The following DOCK5 variants were observed in gnomAD, a reference collection of about 807,000 sequenced individuals.
DOCK5 encodes dedicator of cytokinesis protein 5.
DOCK5 carries 142 observed loss-of-function variants against 251.8 expected under a neutral mutation model. The ratio of observed to expected loss-of-function variants is 0.56; its 90% CI spans 0.49 to 0.65. The LOEUF (loss-of-function observed/expected upper bound fraction) is 0.65, where lower values mean the gene tolerates loss of function less well. Among genes scored for constraint, DOCK5 ranks in the 30% least tolerant of loss-of-function variants. The pLI, the probability that DOCK5 is intolerant of heterozygous loss-of-function variation, is 0.00. For synonymous variants in DOCK5, 842 were observed against 835.5 expected (o/e 1.01, Z -0.13); for missense variants, 2,111 against 2,312.3 (o/e 0.91, Z 1.79).
intron 15 of DOCK5, among the ~76,000 whole-genome samples, 172 bp from the exon 16 acceptor site, chr8:25,320,808 A>T (rs189612376): frequency 6.6e-6 from 1 of 152,322 alleles, no homozygotes; most frequent in Non-Finnish European, 1.5e-5. Context: ...ATGATCTGAG[A>T]TTCTTTTGAT....
At chr8:25,361,297 A>G (rs968540621) in intron 28 of DOCK5, among the ~76,000 whole-genome samples, 14 of 152,170 alleles carry the variant, frequency 9.2e-5, no homozygotes, top group African/African-American at 3.4e-4. Flanking sequence ...ATGGCCAATA[A>G]ATTGGTGGAA....
chr8:25,269,598 G>C (rs1803851954), intron 3 of DOCK5, among the ~76,000 whole-genome samples: 1 of 152,182 alleles, frequency 6.6e-6, no homozygotes, highest in South Asian at 2.1e-4. Flanking sequence ...CCTTTTGCCA[G>C]TGCCAAAACT....
rs769284123 is a variant in DOCK5 at position 25,389,196 on chromosome 8, C to T, written c.4237C>T (p.Pro1413Ser). The T allele has an allele frequency of 2.5e-6, 4 of 1,613,990 alleles. No homozygotes were observed. Among genetic ancestry groups the T allele is most frequent in the South Asian group, 2.2e-5 (2 of 91,082 alleles). The change falls in exon 41 of 52, where the codon CCT (proline) becomes TCT (serine). Residue 1413 changes from proline to serine, a missense_variant. By Grantham distance (74) the Pro-to-Ser change is moderately conservative. Transcript: ENST00000276440. Reference sequence around the variant, plus strand: ...TGCGGAGAAGATGACCAGTACCACGCCTCCTGGGGAAGACATCAAGTCGTC... The same window carrying T: ...TGCGGAGAAGATGACCAGTACCACGTCTCCTGGGGAAGACATCAAGTCGTC... ...PNAEKMTSTT[P>S]PGEDIKSSPK...
At chr8:25,267,564 T>G (rs1803789944) in intron 2 of DOCK5, among the ~76,000 whole-genome samples, 2 of 152,218 alleles carry the variant, frequency 1.3e-5, no homozygotes, top group Non-Finnish European at 2.9e-5. Flanking sequence ...TAATTACAGT[T>G]TGCATCTACT....
chr8:25,313,735 G>T (rs961371818), intron 13 of DOCK5, among the ~76,000 whole-genome samples: 32 of 152,152 alleles, frequency 2.1e-4, no homozygotes, highest in Admixed American at 1.6e-3. Flanking sequence ...TTCTCCCTTC[G>T]TCTTCACTTG....
rs550276525 is a variant in DOCK5, at chr8:25,312,792, T to TG, written c.1318+2262dup. Among the ~76,000 whole-genome samples, 36 of 136,564 alleles carry TG rather than the reference T, an allele frequency of 2.6e-4. No homozygotes were observed. The East Asian group carries it at 7.2e-3, about 27-fold the overall frequency. 89.6% of individuals were successfully genotyped at this position (136,564 alleles called of 152,430 possible). A position where few individuals can be genotyped will look rare whatever the true frequency, so the allele number is the denominator to read the frequency against. On this transcript the variant is annotated intron_variant, in intron 13 of 51. Coordinates refer to ENST00000276440, the MANE Select transcript of DOCK5 (RefSeq NM_024940.8). The stretch of plus-strand genomic sequence containing the variant: ...AAAAAAAAAAAAAATTAGCTGGGAG[T>TG]GGTGGCGCATGCCTGTAATCCCAGC...
intron 1 of DOCK5, among the ~76,000 whole-genome samples, chr8:25,202,564 A>G (rs1801905686): frequency 6.6e-6 from 1 of 152,176 alleles, no homozygotes; most frequent in South Asian, 2.1e-4. Context: ...ATGTTCACTG[A>G]GCACCTTTTA....
intron 43 of DOCK5, 133 bp downstream of exon 43, chr8:25,392,113 C>A: frequency 2.5e-6 from 2 of 811,746 alleles, no homozygotes; most frequent in Non-Finnish European, 3.9e-6. Flanking sequence ...ACCATCCTGG[C>A]TAATACGGTG....
intron 13 of DOCK5, among the ~76,000 whole-genome samples, chr8:25,313,396 G>C (rs1183422389): frequency 6.6e-6 from 1 of 152,128 alleles, no homozygotes; most frequent in Non-Finnish European, 1.5e-5. Context: ...CCTCTCAGCA[G>C]CATCTGACAT....
chr8:25,198,099 T>A (rs1351754396), intron 1 of DOCK5, among the ~76,000 whole-genome samples: 1 of 152,154 alleles, frequency 6.6e-6, no homozygotes, highest in Non-Finnish European at 1.5e-5. Context: ...TGGAGACTAA[T>A]TCCCTCTTGA....
intron 45 of DOCK5, 72 bp downstream of exon 45, chr8:25,395,791 G>C: frequency 6.7e-7 from 1 of 1,497,126 alleles, no homozygotes; most frequent in East Asian, 2.4e-5. Context: ...TGTGCCATTT[G>C]CCACTGACAA....
At position 25,410,189 on chromosome 8, in the gene DOCK5, G is replaced by A. The variant is rs776215680; in HGVS notation, c.5495G>A (p.Arg1832Lys). 7 of 1,613,380 alleles carry A rather than the reference G, an allele frequency of 4.3e-6. No individual in the cohort carries two copies. The highest frequency in any genetic ancestry group is 5.9e-6 in the Non-Finnish European group (7 of 1,179,752). ...PKSKPYEGSQ[R>K]NSTELAPPLP... ...AGCAAGCCCTATGAAGGCAGCCAGA[G>A]GAACTCCACTGAGGTAGGGAAATCA... The change falls in exon 51 of 52, where the codon AGG becomes AAG. Residue 1832 changes from arginine (R) to lysine (K), a missense_variant. Around this residue, in one of 3 missense-constraint regions of DOCK5, gnomAD observed 1,717 missense variants for 1,892.4 expected, o/e 0.91. Coordinates refer to ENST00000276440, the MANE Select transcript of DOCK5 (RefSeq NM_024940.8).
intron 13 of DOCK5, 88 bp from the exon 14 acceptor site, chr8:25,316,919 G>A (rs2117193542): frequency 1.3e-6 from 2 of 1,519,526 alleles, no homozygotes; most frequent in Non-Finnish European, 1.8e-6. Flanking sequence ...ACCATTTCGT[G>A]TTGTCTTTAC....
intron 1 of DOCK5, among the ~76,000 whole-genome samples, chr8:25,223,893 C>G (rs527333081): frequency 1.3e-5 from 2 of 152,290 alleles, no homozygotes; most frequent in East Asian, 1.9e-4. Context: ...TGAGGCTCAT[C>G]ATAACAGACA....
intron 1 of DOCK5, among the ~76,000 whole-genome samples, chr8:25,190,031 C>T (rs144304659): frequency 0.012 from 1,863 of 152,216 alleles, 41 homozygotes; most frequent in African/African-American, 0.042. Flanking sequence ...AGATTACAGG[C>T]GCACGCCACC....
intron 17 of DOCK5, among the ~76,000 whole-genome samples, chr8:25,324,424 A>G (rs1036088330): frequency 6.6e-6 from 1 of 152,192 alleles, no homozygotes; most frequent in South Asian, 2.1e-4. Flanking sequence ...CTTGCCTTCC[A>G]ACTGATGCTG....
intron 49 of DOCK5, among the ~76,000 whole-genome samples, chr8:25,408,540 G>T (rs1242924891): frequency 6.6e-6 from 1 of 152,118 alleles, no homozygotes; most frequent in African/African-American, 2.4e-5. Context: ...TGAGAATCAG[G>T]GTGGCTTATT....
intron 47 of DOCK5, among the ~76,000 whole-genome samples, chr8:25,401,575 A>G (rs935973262): frequency 9.9e-5 from 15 of 152,128 alleles, no homozygotes; most frequent in African/African-American, 3.6e-4. Flanking sequence ...TCTACTAAAA[A>G]TACAAAAAAT....
chr8:25,243,596 T>G, intron 1 of DOCK5, 78 bp from the exon 2 acceptor site: 185 of 1,361,618 alleles, frequency 1.4e-4, no homozygotes, highest in Non-Finnish European at 1.7e-4. Flanking sequence ...CTCAAAGTGC[T>G]GAGATTATAG....
Sources: allele counts gnomAD v4.1 joint callset (sites outside exome capture counted in the v4.1 genomes callset), GRCh38; gene constraint gnomAD v4.1.1; regional missense constraint gnomAD v4.1.1; transcripts MANE v1.5; gene names NCBI Gene and HGNC (gene_info 2026-07-23, HGNC 2026-07-21).